The following CNNM2 variants were observed in gnomAD, a reference collection of about 807,000 sequenced individuals.
The protein encoded by CNNM2 is cyclin and CBS domain divalent metal cation transport mediator 2.
CNNM2 carries 12 observed loss-of-function variants against 66.9 expected under a neutral mutation model. The ratio of observed to expected loss-of-function variants is 0.18; its 90% confidence interval spans 0.11 to 0.29. The LOEUF (loss-of-function observed/expected upper bound fraction) is 0.29, where lower values mean the gene tolerates loss of function less well. CNNM2 is among the 10% of genes least tolerant of loss of function. The pLI, the probability that CNNM2 is intolerant of heterozygous loss-of-function variation, is 1.00. For missense variants in CNNM2, 705 were observed against 1,167.7 expected (o/e 0.60, Z 5.77); for synonymous variants, 557 against 501.8 (o/e 1.11, Z -1.47).
At chr10:103,067,289 AACTCCTGG>A (rs2065495338) in intron 4 of CNNM2, among the ~76,000 whole-genome samples, 2 of 151,858 alleles carry the variant, frequency 1.3e-5, no homozygotes, top group Non-Finnish European at 2.9e-5. Context: ...GCTGATCTTG[AACTCCTGG>A]GCTCAAGCAA....
At chr10:103,023,000 T>C (rs1034464192) in intron 1 of CNNM2, among the ~76,000 whole-genome samples, 1 of 152,114 alleles carries the variant, frequency 6.6e-6, no homozygotes, top group African/African-American at 2.4e-5. Flanking sequence ...CCTCCCGGGC[T>C]CAGGTGATTC....
rs748497096 is a variant in CNNM2, at chr10:102,919,009, A to G, written c.529A>G (p.Ile177Val). 1.2e-6 allele frequency: 2 copies of G among 1,612,746 alleles called. No individual in the cohort carries two copies. The highest frequency in any genetic ancestry group is 2.2e-5 in the South Asian group (2 of 91,074). ...CACCTCGGGCATCATCGAGATCGAG[A>G]TCAAACCGCTACGCAAGATGGAGAA... ...RRTSGIIEIE[I>V]KPLRKMEKSK... The change falls in exon 1 of 8, where the codon ATC becomes GTC. Residue 177 changes from isoleucine to valine, a missense_variant. By Grantham distance (29) the Ile-to-Val change is conservative (BLOSUM62 3). This residue lies in a region of CNNM2 where 100 missense variants were observed against 151.9 expected (regional missense o/e 0.66). Coordinates refer to ENST00000369878, the MANE Select transcript of CNNM2 (RefSeq NM_017649.5).
intron 1 of CNNM2, among the ~76,000 whole-genome samples, chr10:103,025,049 G>C (rs1441724412): frequency 6.6e-6 from 1 of 152,090 alleles, no homozygotes; most frequent in African/African-American, 2.4e-5. Context: ...TTGATCACTT[G>C]ATTAAGGTAG....
intron 1 of CNNM2, chr10:102,927,745 T>G (rs1442364172): frequency 1.2e-5 from 3 of 249,210 alleles, no homozygotes; most frequent in Middle Eastern, 1.4e-3. Flanking sequence ...AAAGTGAGAC[T>G]CTGTCTCAAA....
chr10:102,970,853 T>C (rs1163844841), intron 1 of CNNM2, among the ~76,000 whole-genome samples: 2 of 152,290 alleles, frequency 1.3e-5, no homozygotes, highest in East Asian at 3.9e-4. Flanking sequence ...GAAAGATTCC[T>C]GTTTTGTAAT....
intron 1 of CNNM2, among the ~76,000 whole-genome samples, chr10:102,946,287 G>A (rs939036227): frequency 6.6e-6 from 1 of 152,164 alleles, no homozygotes; most frequent in Non-Finnish European, 1.5e-5. Flanking sequence ...ACTGGGAAAG[G>A]CACAGAGGCA....
chr10:102,973,464 C>T (rs185020476), intron 1 of CNNM2, among the ~76,000 whole-genome samples: 13 of 151,598 alleles, frequency 8.6e-5, no homozygotes, highest in Admixed American at 5.3e-4. Flanking sequence ...CAATGTGAGC[C>T]TAAAATACAC....
chr10:103,024,624 G>C (rs1373836794), intron 1 of CNNM2, among the ~76,000 whole-genome samples: 3 of 151,810 alleles, frequency 2.0e-5, no homozygotes, highest in Non-Finnish European at 2.9e-5. Context: ...GACTGCAGGT[G>C]CGTGCCACCA....
intron 1 of CNNM2, among the ~76,000 whole-genome samples, chr10:103,040,818 A>G (rs545332253): frequency 6.6e-6 from 1 of 152,218 alleles, no homozygotes; most frequent in African/African-American, 2.4e-5. Flanking sequence ...GGCTTATGTA[A>G]TTGTTCCTCC....
intron 1 of CNNM2, among the ~76,000 whole-genome samples, chr10:103,047,736 A>G (rs1439109118): frequency 1.3e-5 from 2 of 152,174 alleles, no homozygotes; most frequent in East Asian, 1.9e-4. Flanking sequence ...TAACATTGCC[A>G]TAGTCACTTG....
chr10:102,934,263 C>T (rs1056679414), intron 1 of CNNM2, among the ~76,000 whole-genome samples: 2 of 145,442 alleles, frequency 1.4e-5, no homozygotes, highest in Non-Finnish European at 3.0e-5. Context: ...AAGTCTATTT[C>T]TTTCTTTCTT....
intron 1 of CNNM2, among the ~76,000 whole-genome samples, chr10:103,025,805 A>C (rs1050264707): frequency 1.3e-5 from 2 of 152,224 alleles, no homozygotes; most frequent in African/African-American, 4.8e-5. Context: ...ATTCAACAGC[A>C]GGGATTTTTT....
intron 1 of CNNM2, among the ~76,000 whole-genome samples, chr10:102,981,229 G>C (rs548116147): frequency 5.9e-5 from 9 of 152,016 alleles, no homozygotes; most frequent in African/African-American, 2.2e-4. Context: ...GTGTGCCTGT[G>C]GTTCCAGCTA....
intron 2 of CNNM2, among the ~76,000 whole-genome samples, chr10:103,051,861 TAAA>T: frequency 6.6e-6 from 1 of 152,312 alleles, no homozygotes; most frequent in East Asian, 1.9e-4. Context: ...ATAGCATTCT[TAAA>T]AAACACCCTT....
At position 103,057,274 on chromosome 10, in the gene CNNM2, C is replaced by T. The variant is rs12246689; in HGVS notation, c.2073+310C>T. Among the ~76,000 whole-genome samples the T allele has an allele frequency of 0.1, 15,859 of 151,946 alleles. 845 individuals are homozygous for T. Among genetic ancestry groups the T allele is most frequent in the Middle Eastern group, 0.18 (52 of 292 alleles). ...CTTGAGGCCAGAAGTTCAAGACCAG[C>T]CTGGGCAACATGGCGAGACCACCAT... On this transcript the variant is annotated intron_variant, in intron 4 of 7. Coordinates refer to ENST00000369878, the MANE Select transcript of CNNM2 (RefSeq NM_017649.5).
intron 1 of CNNM2, among the ~76,000 whole-genome samples, chr10:103,042,585 C>A (rs2065061372): frequency 6.6e-6 from 1 of 152,194 alleles, no homozygotes; most frequent in African/African-American, 2.4e-5. Context: ...ATGGGCCTGG[C>A]ACATAGTAGG....
At chr10:103,028,625 T>C (rs1404355198) in intron 1 of CNNM2, among the ~76,000 whole-genome samples, 4 of 152,134 alleles carry the variant, frequency 2.6e-5, no homozygotes, top group Non-Finnish European at 4.4e-5. Flanking sequence ...CAACAGTTGG[T>C]CATTCCTCTG....
chr10:102,993,910 G>A (rs1427459783), intron 1 of CNNM2, among the ~76,000 whole-genome samples: 1 of 152,060 alleles, frequency 6.6e-6, no homozygotes, highest in Non-Finnish European at 1.5e-5. Context: ...TCCCTTTGGA[G>A]GTTCTGGCTT....
chr10:102,996,176 C>G (rs1407021217), intron 1 of CNNM2, among the ~76,000 whole-genome samples: 2 of 150,956 alleles, frequency 1.3e-5, no homozygotes, highest in Non-Finnish European at 3.0e-5. Flanking sequence ...TTTTGTTAGT[C>G]TTTCTAGAGG....
Sources: allele counts gnomAD v4.1 joint callset (sites outside exome capture counted in the v4.1 genomes callset), GRCh38; gene constraint gnomAD v4.1.1; regional missense constraint gnomAD v4.1.1; transcripts MANE v1.5; gene names NCBI Gene and HGNC (gene_info 2026-07-23, HGNC 2026-07-21).